DAB1: variants seen among roughly 807,000 people sequenced by gnomAD.
DAB1 encodes the protein disabled homolog 1.
DAB1 carries 15 observed loss-of-function variants against 64.6 expected under a neutral mutation model. The ratio of observed to expected loss-of-function variants is 0.23; its 90% confidence interval spans 0.16 to 0.36. The LOEUF is 0.36. Ranked by LOEUF, DAB1 falls within the 10% of genes least tolerant of loss-of-function variation. The pLI is 1.00. For synonymous variants in DAB1, 235 were observed against 251.9 expected (o/e 0.93, Z 0.64); for missense variants, 596 against 706.7 (o/e 0.84, Z 1.78).
chr1:58,383,843 G>A (rs939924055), intron 3 of DAB1, among the ~76,000 whole-genome samples: 3 of 152,136 alleles, frequency 2.0e-5, no homozygotes, highest in Non-Finnish European at 4.4e-5. Flanking sequence ...AATGAATGTG[G>A]GTGTGTAGGT....
intron 2 of DAB1, among the ~76,000 whole-genome samples, chr1:57,254,088 T>C (rs541353592): frequency 1.2e-4 from 18 of 152,370 alleles, no homozygotes; most frequent in East Asian, 9.6e-4. Flanking sequence ...TATCTTTATT[T>C]GCTGAAGGAA....
intron 1 of DAB1, among the ~76,000 whole-genome samples, chr1:57,343,473 C>G (rs552944995): frequency 6.6e-6 from 1 of 152,308 alleles, no homozygotes; most frequent in South Asian, 2.1e-4. Context: ...CTTGGGTGGT[C>G]GATGGGACTA....
At chr1:57,031,236 G>A (rs1389316777) in intron 9 of DAB1, among the ~76,000 whole-genome samples, 1 of 152,072 alleles carries the variant, frequency 6.6e-6, no homozygotes, top group Non-Finnish European at 1.5e-5. Context: ...GGATTCTTGG[G>A]CCATAAAATT....
chr1:57,910,787 A>G (rs767843155), intron 5 of DAB1, among the ~76,000 whole-genome samples: 6 of 152,212 alleles, frequency 3.9e-5, no homozygotes, highest in Non-Finnish European at 8.8e-5. Context: ...GGCCTGCATT[A>G]TCGATGTTTC....
chr1:57,573,706 TTACAG>T (rs1391275837), intron 7 of DAB1, among the ~76,000 whole-genome samples: 6 of 152,322 alleles, frequency 3.9e-5, no homozygotes, highest in African/African-American at 1.2e-4. Flanking sequence ...CTCCGTATGG[TTACAG>T]CATCCAGGAA....
At chr1:57,421,797 AGGT>A (rs1242697524) in intron 1 of DAB1, among the ~76,000 whole-genome samples, 2 of 151,532 alleles carry the variant, frequency 1.3e-5, no homozygotes, top group African/African-American at 4.9e-5. Flanking sequence ...AGCTTTGATT[AGGT>A]GCCCTTCTCA....
chr1:58,158,242 G>A (rs1040857874), intron 4 of DAB1, among the ~76,000 whole-genome samples: 2 of 152,110 alleles, frequency 1.3e-5, no homozygotes, highest in African/African-American at 4.8e-5. Flanking sequence ...CCTGCAAGGG[G>A]GCATTTACCC....
intron 4 of DAB1, among the ~76,000 whole-genome samples, chr1:58,293,380 A>G (rs559272484): frequency 1.3e-5 from 2 of 152,262 alleles, no homozygotes; most frequent in Admixed American, 6.5e-5. Flanking sequence ...CCATTTGTTT[A>G]TTGTTTCTGC....
intron 7 of DAB1, among the ~76,000 whole-genome samples, chr1:57,559,372 G>A (rs970835767): frequency 6.6e-5 from 10 of 152,256 alleles, no homozygotes; most frequent in South Asian, 6.2e-4. Context: ...AGGGGAGGCC[G>A]GGTCCCCTTG....
intron 5 of DAB1, among the ~76,000 whole-genome samples, chr1:58,147,136 G>A (rs780245074): frequency 5.3e-5 from 8 of 151,572 alleles, no homozygotes; most frequent in East Asian, 1.9e-4. Context: ...GTGAAACCCC[G>A]TCTCTACTAA....
chr1:57,119,505 T>A (rs968871627), intron 4 of DAB1, among the ~76,000 whole-genome samples: 1 of 152,180 alleles, frequency 6.6e-6, no homozygotes, highest in African/African-American at 2.4e-5. Context: ...ATGTACTTTA[T>A]ATTTGTCACA....
chr1:57,053,977 G>A (rs1195471491), intron 9 of DAB1, among the ~76,000 whole-genome samples: 3 of 151,990 alleles, frequency 2.0e-5, no homozygotes, highest in Admixed American at 6.6e-5. Flanking sequence ...ATGAGCCACC[G>A]CGCCCGGCCT....
rs1569577217 is a variant in DAB1, at chr1:57,753,184, G to C, written n.552-103519C>G. Reference sequence around the variant, plus strand: ...GTCTTGGGCTGCCTGCCCTCAACATGACATTTAACATAGGAAGCATAGAAA... The same window carrying C: ...GTCTTGGGCTGCCTGCCCTCAACATCACATTTAACATAGGAAGCATAGAAA... On this transcript the variant is annotated intron_variant and non_coding_transcript_variant, in intron 6 of 20. Transcript: ENST00000485760. 2.0e-5 allele frequency among the ~76,000 whole-genome samples: 3 copies of C among 152,222 alleles called. No homozygotes were observed. The East Asian group carries it at 5.8e-4, about 29-fold the overall frequency.
intron 1 of DAB1, among the ~76,000 whole-genome samples, chr1:57,316,168 T>C (rs561718192): frequency 6.6e-6 from 1 of 152,192 alleles, no homozygotes; most frequent in Admixed American, 6.5e-5. Flanking sequence ...GCAAAAGAAA[T>C]ATGACTTCAA....
intron 5 of DAB1, among the ~76,000 whole-genome samples, chr1:58,088,107 G>A (rs2100605491): frequency 6.6e-6 from 1 of 152,302 alleles, no homozygotes; most frequent in South Asian, 2.1e-4. Context: ...CCAGAGAGAG[G>A]GCTGGGTTCT....
At chr1:57,838,113 T>G (rs945840751) in intron 1 of DAB1, among the ~76,000 whole-genome samples, 1 of 152,156 alleles carries the variant, frequency 6.6e-6, no homozygotes, top group Non-Finnish European at 1.5e-5. Flanking sequence ...ATCCAGACTC[T>G]TAAGTATTAT....
chr1:57,413,840 A>T (rs1351538335), intron 1 of DAB1, among the ~76,000 whole-genome samples: 1 of 151,418 alleles, frequency 6.6e-6, no homozygotes, highest in Non-Finnish European at 1.5e-5. Flanking sequence ...CATTAATAGG[A>T]GTTTGGAAGA....
chr1:58,328,253 A>T (rs1662882814), intron 4 of DAB1, among the ~76,000 whole-genome samples: 1 of 152,216 alleles, frequency 6.6e-6, no homozygotes, highest in African/African-American at 2.4e-5. Flanking sequence ...CTAACCTGCC[A>T]TCGCAGCTCC....
In DAB1 at chr1:57,756,687, T is replaced by C. The variant is rs112796703; in HGVS notation, n.552-107022A>G. 2.8e-3 allele frequency among the ~76,000 whole-genome samples: 415 copies of C among 150,032 alleles called. 3 individuals carry two copies. Among genetic ancestry groups the C allele is most frequent in the African/African-American group, 9.3e-3 (379 of 40,968 alleles). On this transcript the variant is annotated intron_variant and non_coding_transcript_variant, in intron 6 of 20. Coordinates refer to the DAB1 transcript ENST00000485760. ...TACTGCAGGCAATAAAAAAAAAAAA[T>C]GATAACAGCTTCTACTAGGGTAACA...
Sources: allele counts gnomAD v4.1 joint callset (sites outside exome capture counted in the v4.1 genomes callset), GRCh38; gene constraint gnomAD v4.1.1; transcripts MANE v1.5; gene names NCBI Gene and HGNC (gene_info 2026-07-23, HGNC 2026-07-21).